FOXP1: variants seen among roughly 807,000 people sequenced by gnomAD.
The protein encoded by FOXP1 is forkhead box protein P1.
Under a neutral mutation model 98.2 loss-of-function variants are expected in FOXP1, and 15 were observed. That is an observed-to-expected ratio of 0.15 (90% CI 0.10 to 0.24). FOXP1 has a LOEUF of 0.24. FOXP1 is among the 10% of genes least tolerant of loss of function. The pLI is 1.00. For missense variants in FOXP1, 633 were observed against 848.5 expected, an observed-to-expected ratio of 0.75 and a Z score of 3.15; for synonymous variants, 371 against 314.5, an observed-to-expected ratio of 1.18 and a Z score of -1.90.
At chr3:71,198,753 T>C (rs1576342825) in intron 5 of FOXP1, among the ~76,000 whole-genome samples, 1 of 151,800 alleles carries the variant, frequency 6.6e-6, no homozygotes, top group African/African-American at 2.4e-5. Flanking sequence ...AGTGCAGCGG[T>C]GCAATCTCGG....
chr3:71,441,795 T>A (rs2085967936), intron 3 of FOXP1, among the ~76,000 whole-genome samples: 1 of 152,182 alleles, frequency 6.6e-6, no homozygotes. Flanking sequence ...CTGGGAACTG[T>A]TAGCCAAGTC....
At chr3:71,086,912 C>T (rs180934908) in intron 7 of FOXP1, among the ~76,000 whole-genome samples, 3 of 152,238 alleles carry the variant, frequency 2.0e-5, no homozygotes, top group African/African-American at 7.2e-5. Flanking sequence ...GGAGAACAAA[C>T]ATTACAGAGA....
chr3:71,133,061 C>T (rs1366715988), intron 6 of FOXP1, among the ~76,000 whole-genome samples: 2 of 151,724 alleles, frequency 1.3e-5, no homozygotes, highest in African/African-American at 4.8e-5. Context: ...CATGTTGTTG[C>T]AATTGTTAGA....
intron 3 of FOXP1, among the ~76,000 whole-genome samples, chr3:71,412,287 C>G (rs181309938): frequency 1.8e-4 from 28 of 152,226 alleles, no homozygotes; most frequent in Admixed American, 1.4e-3. Flanking sequence ...CATGAGGGCT[C>G]AAAGTTACTA....
chr3:70,958,883 C>T lies in FOXP1; in HGVS notation c.*364G>A, dbSNP rs141857832. On this transcript the variant is annotated 3_prime_UTR_variant, in exon 21 of 21. Transcript: ENST00000649528. ...GCTTAGGTGCACAAGCTCTGTCGGG[C>T]GTCCTCAGTGTCCAACGTTGGCAGG... 7 of 407,564 alleles carry T rather than the reference C, an allele frequency of 1.7e-5. No homozygotes were observed. The highest frequency in any genetic ancestry group is 8.1e-5 in the Admixed American group (2 of 24,544). The allele number at this position is 407,564 out of a possible 1,614,324, so 25.2% of individuals were successfully genotyped here. A position where few individuals can be genotyped will look rare whatever the true frequency, so the allele number is the denominator to read the frequency against.
At chr3:71,428,706 G>T (rs1333746264) in intron 3 of FOXP1, among the ~76,000 whole-genome samples, 1 of 152,214 alleles carries the variant, frequency 6.6e-6, no homozygotes, top group Non-Finnish European at 1.5e-5. Flanking sequence ...ATAATAGTTA[G>T]GCAGGTCATG....
At chr3:70,965,416 T>C (rs1171163654) in intron 20 of FOXP1, among the ~76,000 whole-genome samples, 2 of 152,232 alleles carry the variant, frequency 1.3e-5, no homozygotes, top group African/African-American at 4.8e-5. Flanking sequence ...CTATAAATCA[T>C]GCCGCCTTTC....
rs186390037 is a variant in FOXP1, at chr3:70,967,067, C to G, written c.1723-1011G>C. On this transcript the variant is annotated intron_variant, in intron 19 of 20. Transcript: ENST00000649528. The stretch of plus-strand genomic sequence containing the variant: ...GTAATTAAACCAAGATTTATCACAA[C>G]TGTCCTCCTGCAGACTAGACTATGC... 1.1e-4 allele frequency among the ~76,000 whole-genome samples: 17 copies of G among 152,342 alleles called. No individual in the cohort carries two copies. The East Asian group carries it at 3.1e-3, about 28-fold the overall frequency.
intron 6 of FOXP1, among the ~76,000 whole-genome samples, chr3:71,177,891 GA>G (rs1560069194): frequency 7.1e-6 from 1 of 140,546 alleles, no homozygotes; most frequent in African/African-American, 2.7e-5. Flanking sequence ...GCCCAAGCTG[GA>G]GGGCAGTGGT....
chr3:71,173,347 T>C (rs2061743880), intron 6 of FOXP1, among the ~76,000 whole-genome samples: 1 of 149,790 alleles, frequency 6.7e-6, no homozygotes, highest in African/African-American at 2.5e-5. Flanking sequence ...ATTTCTAGAA[T>C]GGGAACTGCC....
chr3:71,204,025 T>C (rs2063845484), intron 5 of FOXP1, among the ~76,000 whole-genome samples: 1 of 150,460 alleles, frequency 6.6e-6, no homozygotes, highest in African/African-American at 2.5e-5. Context: ...GATTTCATTA[T>C]TTTGGAAATA....
chr3:71,563,298 C>T (rs946590211), intron 2 of FOXP1, among the ~76,000 whole-genome samples: 2 of 152,050 alleles, frequency 1.3e-5, no homozygotes, highest in African/African-American at 2.4e-5. Context: ...TACATATGAC[C>T]CACTTCTGAG....
At chr3:70,972,022 C>A in intron 18 of FOXP1, 17 of 1,436,254 alleles carry the variant, frequency 1.2e-5, no homozygotes, top group South Asian at 1.5e-5. Context: ...GTGCGACAAG[C>A]TCGTCAAAGT....
intron 5 of FOXP1, among the ~76,000 whole-genome samples, chr3:71,226,979 G>C (rs572610657): frequency 6.6e-6 from 1 of 152,270 alleles, no homozygotes; most frequent in South Asian, 2.1e-4. Context: ...GACGACTCTG[G>C]TTTGGCTGTG....
chr3:71,351,080 A>G (rs3732735), intron 4 of FOXP1, among the ~76,000 whole-genome samples: 24,607 of 152,164 alleles, frequency 0.16, 2,049 homozygotes, highest in Middle Eastern at 0.19. Context: ...TCTTAAGAAA[A>G]GATCTTTTCT....
At chr3:71,221,507 G>A (rs1238236933) in intron 5 of FOXP1, among the ~76,000 whole-genome samples, 3 of 152,144 alleles carry the variant, frequency 2.0e-5, no homozygotes, top group African/African-American at 7.2e-5. Context: ...TCATCCTTCT[G>A]CCCTCCCTTC....
intron 6 of FOXP1, among the ~76,000 whole-genome samples, chr3:71,182,927 C>T (rs2062417013): frequency 6.6e-6 from 1 of 150,546 alleles, no homozygotes; most frequent in South Asian, 2.1e-4. Flanking sequence ...TTAGGTTTTT[C>T]CCCCAGCAAT....
chr3:71,482,801 A>G (rs1269172967), intron 3 of FOXP1, among the ~76,000 whole-genome samples: 2 of 150,640 alleles, frequency 1.3e-5, no homozygotes, highest in Non-Finnish European at 3.0e-5. Flanking sequence ...TTTTAATAAC[A>G]CTGGTTAGGA....
chr3:71,547,539 C>T (rs1433532000), intron 2 of FOXP1, among the ~76,000 whole-genome samples: 1 of 152,148 alleles, frequency 6.6e-6, no homozygotes, highest in African/African-American at 2.4e-5. Context: ...CCAATGTCAC[C>T]CAGCAAGGGC....
Sources: allele counts gnomAD v4.1 joint callset (sites outside exome capture counted in the v4.1 genomes callset), GRCh38; gene constraint gnomAD v4.1.1; transcripts MANE v1.5; gene names NCBI Gene and HGNC (gene_info 2026-07-23, HGNC 2026-07-21).